Variants in HIP1 observed in about 807,000 individuals in gnomAD.
HIP1 encodes the protein huntingtin interacting protein 1.
In HIP1, 65 loss-of-function variants were observed where a neutral mutation model predicts 147.6. The observed-to-expected ratio is 0.44, with a 90% CI of 0.36 to 0.54. HIP1 has a LOEUF of 0.54. HIP1 is among the 20% of genes least tolerant of loss of function. HIP1 has a pLI of 0.00. For synonymous variants in HIP1, 479 were observed against 504.0 expected (o/e 0.95, Z 0.67); for missense variants, 1,061 against 1,299.6 (o/e 0.82, Z 2.82).
intron 1 of HIP1, among the ~76,000 whole-genome samples, chr7:75,647,524 G>A (rs897118697): frequency 1.3e-5 from 2 of 152,148 alleles, no homozygotes; most frequent in Non-Finnish European, 2.9e-5. Flanking sequence ...TGGGACTTTC[G>A]CTGCTGCTAA....
chr7:75,590,055 C>A (rs587708852), intron 4 of HIP1, among the ~76,000 whole-genome samples: 74 of 152,198 alleles, frequency 4.9e-4, no homozygotes, highest in African/African-American at 6.0e-4. Context: ...CTTAAACAAG[C>A]AAACACAGTG....
intron 1 of HIP1, among the ~76,000 whole-genome samples, chr7:75,646,665 C>G (rs1378694943): frequency 6.6e-6 from 1 of 152,244 alleles, no homozygotes; most frequent in African/African-American, 2.4e-5. Flanking sequence ...CAGGGGTCCA[C>G]TTGGCACAGC....
chr7:75,606,396 A>G (rs1554503836), intron 1 of HIP1, among the ~76,000 whole-genome samples: 5 of 152,120 alleles, frequency 3.3e-5, no homozygotes. Context: ...CCTAGCCAAC[A>G]TGGTGAAACC....
At chr7:75,644,420 A>G (rs1798740263) in intron 1 of HIP1, among the ~76,000 whole-genome samples, 1 of 151,970 alleles carries the variant, frequency 6.6e-6, no homozygotes, top group East Asian at 1.9e-4. Context: ...TCAGCTTCCC[A>G]AGTAGCTCGG....
intron 1 of HIP1, among the ~76,000 whole-genome samples, chr7:75,731,493 A>AC (rs1801837351): frequency 6.6e-6 from 1 of 151,554 alleles, no homozygotes; most frequent in Non-Finnish European, 1.5e-5. Flanking sequence ...AAAAAAAAAA[A>AC]AAAAAACGCC....
rs559359630 is a variant in HIP1, at chr7:75,713,414, G to T, written c.120+25387C>A. ...TAGTATCCGGTGCTAGCTGCACTGC[G>T]ACAGGGGGAGGCAGACAGCAAAATT... On this transcript the variant is annotated intron_variant, in intron 1 of 30. Transcript: ENST00000336926. 9.6e-4 allele frequency among the ~76,000 whole-genome samples: 146 copies of T among 152,260 alleles called. 1 individual carries two copies. Among genetic ancestry groups the T allele is most frequent in the African/African-American group, 3.5e-3 (144 of 41,560 alleles).
intron 1 of HIP1, among the ~76,000 whole-genome samples, chr7:75,711,850 G>A (rs1220146295): frequency 2.0e-5 from 3 of 152,134 alleles, no homozygotes; most frequent in Non-Finnish European, 4.4e-5. Flanking sequence ...GGGAGAGAGA[G>A]GGCTCCTCCA....
chr7:75,738,104 T>TCAAG (rs3214190), intron 1 of HIP1, among the ~76,000 whole-genome samples: 4,444 of 152,282 alleles, frequency 0.029, 140 homozygotes, highest in East Asian at 0.17. Context: ...GTCAGGCACA[T>TCAAG]CTTGGGGGAT....
chr7:75,581,335 C>G, intron 6 of HIP1, 37 bp from the exon 7 acceptor site: 1 of 1,554,676 alleles, frequency 6.4e-7, no homozygotes, highest in Middle Eastern at 1.7e-4. Context: ...CACTCCACAG[C>G]CTGAGGCCGG....
In HIP1 at chr7:75,557,767, C is replaced by T; in HGVS notation, c.1468G>A (p.Ala490Thr). ...ATGGACACCTGTTTGGTCACCTCTG[C>T]ATTCTGCAAAAGAAGAACAGTGTCT... ...QNHADLLRKN[A>T]EVTKQVSMAR... The change falls in exon 16 of 31, where the codon GCA becomes ACA. Residue 490 changes from alanine to threonine, a missense_variant. This residue lies in a region of HIP1 where 810 missense variants were observed against 946.8 expected (regional missense o/e 0.86). Coordinates refer to ENST00000336926, the MANE Select transcript of HIP1 (RefSeq NM_005338.7). 6.2e-7 allele frequency: 1 copy of T among 1,610,660 alleles called. No homozygotes were observed. Among genetic ancestry groups the T allele is most frequent in the Non-Finnish European group, 8.5e-7 (1 of 1,176,928 alleles).
chr7:75,536,845 G>T lies in HIP1; in HGVS notation c.*1327C>A, dbSNP rs587661237. On this transcript the variant is annotated 3_prime_UTR_variant, in exon 31 of 31. Transcript: ENST00000336926. Reference sequence around the variant, plus strand: ...TAGAGTCACACCTGAAGTTCTGATTGCTCCAAGCATCTCTTTGTAGGCTGT... The same window carrying T: ...TAGAGTCACACCTGAAGTTCTGATTTCTCCAAGCATCTCTTTGTAGGCTGT... The T allele has an allele frequency of 8.7e-6, 2 of 230,630 alleles. No homozygotes were observed. Among genetic ancestry groups the T allele is most frequent in the South Asian group, 3.6e-4 (2 of 5,506 alleles). 14.3% of individuals were successfully genotyped at this position (230,630 alleles called of 1,614,324 possible).
intron 1 of HIP1, among the ~76,000 whole-genome samples, chr7:75,663,268 G>C (rs1401392726): frequency 1.3e-5 from 2 of 152,168 alleles, no homozygotes; most frequent in Non-Finnish European, 2.9e-5. Context: ...TGTAGTGTAA[G>C]TGGGAAGGAA....
At chr7:75,712,124 G>C (rs1249554714) in intron 1 of HIP1, among the ~76,000 whole-genome samples, 1 of 152,128 alleles carries the variant, frequency 6.6e-6, no homozygotes, top group Non-Finnish European at 1.5e-5. Flanking sequence ...CCTCACCGTC[G>C]CTCGGCTCCC....
intron 1 of HIP1, among the ~76,000 whole-genome samples, chr7:75,604,062 T>G (rs1584867766): frequency 6.6e-6 from 1 of 151,804 alleles, no homozygotes; most frequent in South Asian, 2.1e-4. Flanking sequence ...GTACATTTCC[T>G]CAAGTGCATT....
Position 75,598,428 on chromosome 7 carries a change from C to CTTT in HIP1, c.184+753_184+755dup, listed in dbSNP as rs148833979. Among the ~76,000 whole-genome samples, 17 of 143,172 alleles carry CTTT rather than the reference C, an allele frequency of 1.2e-4. 1 individual carries two copies. Among genetic ancestry groups the CTTT allele is most frequent in the South Asian group, 4.4e-4 (2 of 4,534 alleles). 93.9% of individuals were successfully genotyped at this position (143,172 alleles called of 152,430 possible). A position where few individuals can be genotyped will look rare whatever the true frequency, so the allele number is the denominator to read the frequency against. On this transcript the variant is annotated intron_variant, in intron 2 of 30. Coordinates refer to ENST00000336926, the MANE Select transcript of HIP1 (RefSeq NM_005338.7). ...GAAAAAAAAAAAAAACTCTCTTTTT[C>CTTT]TTTTTTTTTTGCTTTCATGCTCAGA...
intron 1 of HIP1, among the ~76,000 whole-genome samples, chr7:75,617,989 C>T (rs2868124): frequency 9.2e-5 from 14 of 152,332 alleles, no homozygotes; most frequent in African/African-American, 3.4e-4. Context: ...AGTGGCCTTT[C>T]GTAATGGCCC....
At chr7:75,704,437 T>G (rs1800929450) in intron 1 of HIP1, among the ~76,000 whole-genome samples, 1 of 151,966 alleles carries the variant, frequency 6.6e-6, no homozygotes, top group African/African-American at 2.4e-5. Context: ...AGAGATAGGG[T>G]TTCTTCATGT....
intron 1 of HIP1, among the ~76,000 whole-genome samples, chr7:75,738,530 C>A (rs1421583536): frequency 6.6e-6 from 1 of 152,160 alleles, no homozygotes; most frequent in Non-Finnish European, 1.5e-5. Flanking sequence ...GGGACTCCTG[C>A]CCGGTACCCA....
intron 1 of HIP1, among the ~76,000 whole-genome samples, chr7:75,725,413 A>G (rs1801621747): frequency 6.6e-6 from 1 of 152,112 alleles, no homozygotes; most frequent in Non-Finnish European, 1.5e-5. Context: ...AATTATCAAA[A>G]ACCATTACCG....
Sources: gnomAD v4.1 joint callset for allele counts (sites outside exome capture counted in the v4.1 genomes callset) on GRCh38, gnomAD v4.1.1 for gene constraint, gnomAD v4.1.1 regional missense constraint, MANE v1.5 for transcripts, NCBI Gene and HGNC (gene_info 2026-07-23, HGNC 2026-07-21) for gene names.